PLEKHM1: variants seen among roughly 807,000 people sequenced by gnomAD.
The protein encoded by PLEKHM1 is pleckstrin homology domain-containing family M member 1.
Under a neutral mutation model 94.3 loss-of-function variants are expected in PLEKHM1, and 28 were observed. That is an observed-to-expected ratio of 0.30 (90% CI 0.22 to 0.41). PLEKHM1 has a LOEUF of 0.41. Among genes scored for constraint, PLEKHM1 ranks in the 10% least tolerant of loss-of-function variants. PLEKHM1 has a pLI of 1.00. For synonymous variants in PLEKHM1, 424 were observed against 581.2 expected (o/e 0.73, Z 3.89); for missense variants, 907 against 1,358.6 (o/e 0.67, Z 5.22).
At chr17:45,443,110 G>A (rs554231363) in intron 9 of PLEKHM1, among the ~76,000 whole-genome samples, 60 of 152,138 alleles carry the variant, frequency 3.9e-4, no homozygotes, top group Admixed American at 8.5e-4. Flanking sequence ...AATTTTCCTC[G>A]CTTGGAAGAT....
intron 8 of PLEKHM1, 130 bp downstream of exon 8, chr17:45,450,488 C>G: frequency 1.4e-6 from 2 of 1,445,122 alleles, no homozygotes; most frequent in Non-Finnish European, 9.5e-7. Flanking sequence ...CATCACAGTG[C>G]CTGAACCAGT....
chr17:45,479,148 C>A (rs1028078011), intron 2 of PLEKHM1, among the ~76,000 whole-genome samples: 32 of 151,588 alleles, frequency 2.1e-4, no homozygotes, highest in Non-Finnish European at 3.8e-4. Flanking sequence ...CCAAGGCAGG[C>A]GGATCACTTG....
rs62064657 is a variant in PLEKHM1, at chr17:45,439,688, G to A, written c.2902-54C>T. On this transcript the variant is annotated intron_variant, in intron 10 of 11. Coordinates refer to ENST00000430334, the MANE Select transcript of PLEKHM1 (RefSeq NM_014798.3). ...ACACCCCGTCTGCGATCTGCGGAGG[G>A]CTGGTAAACTGAGGCCCCAGGCCTT... 0.16 allele frequency: 251,498 copies of A among 1,609,230 alleles called. 22,686 individuals carry two copies. The highest frequency in any genetic ancestry group is 0.19 in the Middle Eastern group (1,165 of 6,030).
At chr17:45,473,952 C>G (rs894536897) in intron 4 of PLEKHM1, among the ~76,000 whole-genome samples, 3 of 151,876 alleles carry the variant, frequency 2.0e-5, no homozygotes, top group Non-Finnish European at 4.4e-5. Flanking sequence ...GAGGAAAGAA[C>G]AGGGTAGAGG....
chr17:45,485,150 C>A (rs1197804969), intron 1 of PLEKHM1, among the ~76,000 whole-genome samples: 1 of 152,122 alleles, frequency 6.6e-6, no homozygotes, highest in Non-Finnish European at 1.5e-5. Context: ...TTCTCAGAGC[C>A]CTCCTCTGGA....
In PLEKHM1 at chr17:45,467,090, G is replaced by A. The variant is rs543610488; in HGVS notation, c.1308+1119C>T. On this transcript the variant is annotated intron_variant, in intron 5 of 11. Coordinates refer to ENST00000430334, the MANE Select transcript of PLEKHM1 (RefSeq NM_014798.3). ...ACTACAGCCTCATGCTATATGTACA[G>A]CCACACACCACCATGCCCAGCTAAT... 3.9e-3 allele frequency among the ~76,000 whole-genome samples: 592 copies of A among 152,272 alleles called. 6 individuals carry two copies. Among genetic ancestry groups the A allele is most frequent in the African/African-American group, 0.013 (547 of 41,556 alleles).
At chr17:45,462,279 T>A (rs2145256631) in intron 5 of PLEKHM1, among the ~76,000 whole-genome samples, 1 of 152,084 alleles carries the variant, frequency 6.6e-6, no homozygotes, top group Non-Finnish European at 1.5e-5. Flanking sequence ...GATGTGTCAG[T>A]CAGGGCAGCC....
Position 45,445,403 on chromosome 17 carries a change from A to G in PLEKHM1, c.2837+67T>C. Reference sequence around the variant, plus strand: ...TCTGTGTGTACATGTGCATATAAGTATGTGTTTGTGTGCATGCATGTGCGT... The same window carrying G: ...TCTGTGTGTACATGTGCATATAAGTGTGTGTTTGTGTGCATGCATGTGCGT... On this transcript the variant is annotated intron_variant, in intron 9 of 11. Coordinates refer to ENST00000430334, the MANE Select transcript of PLEKHM1 (RefSeq NM_014798.3). This position sits in a 1 kb window ranked among gnomAD's most constrained non-coding sequence, Gnocchi z 4.2. 7.7e-7 allele frequency: 1 copy of G among 1,303,326 alleles called. No homozygotes were observed. Among genetic ancestry groups the G allele is most frequent in the Non-Finnish European group, 1.1e-6 (1 of 901,624 alleles). The allele number at this position is 1,303,326 out of a possible 1,614,324, so 80.7% of individuals were successfully genotyped here.
Position 45,468,200 on chromosome 17 carries a change from A to G in PLEKHM1, c.1308+9T>C. The stretch of plus-strand genomic sequence containing the variant: ...CAAGACTGCCCCCTGAACGGCTTGC[A>G]CCACTCACCGGACTGGTGGGTGAGG... On this transcript the variant is annotated intron_variant, in intron 5 of 11. Transcript: ENST00000430334. 1 of 1,612,806 alleles carries G rather than the reference A, an allele frequency of 6.2e-7. No homozygotes were observed. The highest frequency in any genetic ancestry group is 8.5e-7 in the Non-Finnish European group (1 of 1,179,790).
chr17:45,478,901 G>A (rs181016301), intron 2 of PLEKHM1, among the ~76,000 whole-genome samples: 70 of 152,176 alleles, frequency 4.6e-4, no homozygotes, highest in African/African-American at 1.6e-3. Flanking sequence ...AACCAGATGG[G>A]CCTCCTCAGA....
rs1420130936 is a variant in PLEKHM1, at chr17:45,454,176, G to A, written c.1676C>T (p.Pro559Leu). 9.9e-6 allele frequency: 16 copies of A among 1,613,614 alleles called. No individual in the cohort carries two copies. The highest frequency in any genetic ancestry group is 3.3e-5 in the Admixed American group (2 of 59,996). The part of the protein sequence containing the change: ...IWKELFCELS[P>L]LEFRLYLSNE... ...GCTCAGGTAGAGGCGGAACTCCAGC[G>A]GGGAGAGCTCGCAGAAGAGCTCCTT... The change falls in exon 7 of 12, where the codon CCG (proline) becomes CTG (leucine). Residue 559 changes from proline to leucine, a missense_variant. Pro to Leu is a moderately conservative substitution (Grantham distance 98). Around this residue, in one of 3 missense-constraint regions of PLEKHM1, gnomAD observed 477 missense variants for 601.5 expected, o/e 0.79. Coordinates refer to ENST00000430334, the MANE Select transcript of PLEKHM1 (RefSeq NM_014798.3).
In PLEKHM1 at chr17:45,464,388, A is replaced by C. The variant is rs9891390; in HGVS notation, c.1308+3821T>G. Among the ~76,000 whole-genome samples the C allele has an allele frequency of 4.5e-3, 682 of 152,338 alleles. 5 individuals carry two copies. Among genetic ancestry groups the C allele is most frequent in the African/African-American group, 0.016 (646 of 41,568 alleles). ...AAAGAAAGACTGAATGGGTCTCTAC[A>C]CTATAAAACTTGACAGCGACCCCAA... On this transcript the variant is annotated intron_variant, in intron 5 of 11. Coordinates refer to ENST00000430334, the MANE Select transcript of PLEKHM1 (RefSeq NM_014798.3).
Position 45,453,766 on chromosome 17 carries a change from T to C in PLEKHM1, c.2086A>G (p.Arg696Gly), listed in dbSNP as rs560791574. Reference protein sequence around the residue: ...KESLLYLYMDRTWMPYIFSLS... With the variant: ...KESLLYLYMDGTWMPYIFSLS... ...GAAAATATATAGGGCATCCAGGTCC[T>C]GTCCATGTACAAGTACAGCAGGGAC... is the stretch of plus-strand genomic sequence containing the variant. The change falls in exon 7 of 12, where the codon AGG becomes GGG. Residue 696 changes from arginine to glycine, a missense_variant. Arg to Gly is a moderately radical substitution (Grantham distance 125, BLOSUM62 -2). Coordinates refer to ENST00000430334, the MANE Select transcript of PLEKHM1 (RefSeq NM_014798.3). This position sits in a 1 kb window ranked among gnomAD's most constrained non-coding sequence, Gnocchi z 4.1. 8 of 1,613,872 alleles carry C rather than the reference T, an allele frequency of 5.0e-6. No individual in the cohort carries two copies. Among genetic ancestry groups the C allele is most frequent in the East Asian group, 2.2e-5 (1 of 44,892 alleles).
intron 2 of PLEKHM1, among the ~76,000 whole-genome samples, chr17:45,479,695 A>G (rs970423913): frequency 7.2e-5 from 11 of 151,940 alleles, no homozygotes; most frequent in African/African-American, 2.7e-4. Context: ...CAGAAAAACA[A>G]AACAAAACAA....
intron 3 of PLEKHM1, 46 bp downstream of exon 3, chr17:45,477,854 G>T (rs1168738649): frequency 6.2e-7 from 1 of 1,607,022 alleles, no homozygotes; most frequent in South Asian, 1.1e-5. Flanking sequence ...GTGTCCCATA[G>T]TCTGCTGCTC....
chr17:45,435,514 T>G (rs2050233309), downstream of PLEKHM1, among the ~76,000 whole-genome samples: 1 of 152,216 alleles, frequency 6.6e-6, no homozygotes, highest in Admixed American at 6.5e-5. Context: ...ATTTCTCCTC[T>G]GAGAAATGTC....
intron 3 of PLEKHM1, chr17:45,476,129 C>T (rs2051724210): frequency 1.1e-5 from 2 of 177,868 alleles, no homozygotes; most frequent in Non-Finnish European, 1.2e-5. Context: ...CCAGCCTAGG[C>T]AATATATATA....
At chr17:45,485,455 G>A (rs955045026) in intron 1 of PLEKHM1, among the ~76,000 whole-genome samples, 1 of 152,060 alleles carries the variant, frequency 6.6e-6, no homozygotes, top group African/African-American at 2.4e-5. Flanking sequence ...GGACCCTAAG[G>A]ACTTAGACCC....
At chr17:45,488,631 C>T (rs563017137) in intron 1 of PLEKHM1, among the ~76,000 whole-genome samples, 91 of 152,156 alleles carry the variant, frequency 6.0e-4, no homozygotes, top group African/African-American at 2.0e-3. Context: ...AGACAGTGTT[C>T]TTTGGGGCTC....
Sources: gnomAD v4.1 joint callset for allele counts (sites outside exome capture counted in the v4.1 genomes callset) on GRCh38, gnomAD v4.1.1 for gene constraint, gnomAD v4.1.1 regional missense constraint, Gnocchi (gnomAD v3.1) non-coding constraint, MANE v1.5 for transcripts, NCBI Gene and HGNC (gene_info 2026-07-23, HGNC 2026-07-21) for gene names.